The following UBE2E3 variants were observed in gnomAD, a reference collection of about 807,000 sequenced individuals.
UBE2E3 encodes ubiquitin conjugating enzyme E2 E3.
UBE2E3 carries 5 observed loss-of-function variants against 23.6 expected under a neutral mutation model. That is an observed-to-expected ratio of 0.21 (90% CI 0.11 to 0.44). The LOEUF (loss-of-function observed/expected upper bound fraction) is 0.44, where lower values mean the gene tolerates loss of function less well. Among genes scored for constraint, UBE2E3 ranks in the 20% least tolerant of loss-of-function variants. The pLI, the probability that UBE2E3 is intolerant of heterozygous loss-of-function variation, is 0.99. For synonymous variants in UBE2E3, 78 were observed against 87.5 expected (o/e 0.89, Z 0.60); for missense variants, 81 against 249.8 (o/e 0.32, Z 4.55).
At chr2:181,026,375 A>G (rs1443898093) in intron 3 of UBE2E3, among the ~76,000 whole-genome samples, 1 of 151,574 alleles carries the variant, frequency 6.6e-6, no homozygotes, top group Non-Finnish European at 1.5e-5. Flanking sequence ...TTTCATTTCC[A>G]TTCCCTTAAC....
At chr2:181,017,090 C>T (rs1485899442) in intron 3 of UBE2E3, among the ~76,000 whole-genome samples, 1 of 152,124 alleles carries the variant, frequency 6.6e-6, no homozygotes, top group Admixed American at 6.5e-5. Flanking sequence ...GAGGTGGAGA[C>T]AGAATTGGGC....
At chr2:181,016,989 G>T (rs1685511640) in intron 3 of UBE2E3, among the ~76,000 whole-genome samples, 1 of 152,180 alleles carries the variant, frequency 6.6e-6, no homozygotes, top group South Asian at 2.1e-4. Context: ...CTTGAAACTG[G>T]CAATTTGATC....
At chr2:181,035,678 G>A (rs1339434322) in intron 3 of UBE2E3, among the ~76,000 whole-genome samples, 1 of 152,020 alleles carries the variant, frequency 6.6e-6, no homozygotes, top group Non-Finnish European at 1.5e-5. Context: ...AACATTATTA[G>A]ATTTTTTTTG....
chr2:181,039,577 C>T (rs1686412926), intron 3 of UBE2E3, among the ~76,000 whole-genome samples: 1 of 152,002 alleles, frequency 6.6e-6, no homozygotes, highest in South Asian at 2.1e-4. Context: ...TTGAGACCAT[C>T]CTGAGCAACA....
At chr2:180,984,172 G>A (rs1684385486) in intron 3 of UBE2E3, 79 bp downstream of exon 3, 13 of 1,263,772 alleles carry the variant, frequency 1.0e-5, no homozygotes, top group Non-Finnish European at 1.5e-5. Flanking sequence ...GGATATGTGT[G>A]CAGCAGAGGA....
chr2:180,990,870 C>G (rs1353569962), intron 3 of UBE2E3, among the ~76,000 whole-genome samples: 1 of 152,166 alleles, frequency 6.6e-6, no homozygotes, highest in Non-Finnish European at 1.5e-5. Flanking sequence ...CAAGTTACTT[C>G]AATTTTTACA....
At chr2:181,044,733 A>G (rs1004172745) in intron 3 of UBE2E3, among the ~76,000 whole-genome samples, 3 of 152,142 alleles carry the variant, frequency 2.0e-5, no homozygotes, top group Non-Finnish European at 4.4e-5. Context: ...CATAATTCCT[A>G]AAGTCCCTGT....
intron 3 of UBE2E3, among the ~76,000 whole-genome samples, chr2:181,035,082 C>G (rs1363988816): frequency 6.6e-6 from 1 of 152,096 alleles, no homozygotes; most frequent in African/African-American, 2.4e-5. Flanking sequence ...CTATTCGGAT[C>G]ACTTAGGTGC....
At chr2:181,047,975 C>G (rs1470370383) in intron 3 of UBE2E3, among the ~76,000 whole-genome samples, 1 of 152,140 alleles carries the variant, frequency 6.6e-6, no homozygotes, top group Non-Finnish European at 1.5e-5. Context: ...TTCCCATGTT[C>G]TCTTCCCTTC....
intron 3 of UBE2E3, among the ~76,000 whole-genome samples, chr2:181,048,748 A>G (rs1369972971): frequency 2.6e-5 from 4 of 152,136 alleles, no homozygotes; most frequent in African/African-American, 9.7e-5. Flanking sequence ...ACACTCAGGA[A>G]TAACAACTGT....
At chr2:181,009,042 C>T (rs1166035648) in intron 3 of UBE2E3, among the ~76,000 whole-genome samples, 1 of 151,688 alleles carries the variant, frequency 6.6e-6, no homozygotes, top group Non-Finnish European at 1.5e-5. Context: ...TATTCTAAAA[C>T]AACATAAACA....
intron 3 of UBE2E3, among the ~76,000 whole-genome samples, chr2:181,032,430 G>A (rs1262546488): frequency 6.6e-6 from 1 of 151,950 alleles, no homozygotes; most frequent in Non-Finnish European, 1.5e-5. Context: ...TATTCAAATG[G>A]CCCCTATTTA....
At chr2:180,988,810 TTTC>T (rs1225829723) in intron 3 of UBE2E3, among the ~76,000 whole-genome samples, 1 of 152,146 alleles carries the variant, frequency 6.6e-6, no homozygotes, top group Non-Finnish European at 1.5e-5. Context: ...TAGACTGCTT[TTTC>T]TTCTTTACTT....
At chr2:181,048,974 T>G (rs1438474140) in intron 3 of UBE2E3, among the ~76,000 whole-genome samples, 1 of 152,098 alleles carries the variant, frequency 6.6e-6, no homozygotes, top group East Asian at 1.9e-4. Flanking sequence ...AACTCATTGC[T>G]AAGATTACCT....
intron 3 of UBE2E3, among the ~76,000 whole-genome samples, chr2:181,009,888 G>A (rs951946391): frequency 2.6e-5 from 4 of 152,034 alleles, no homozygotes; most frequent in African/African-American, 9.7e-5. Context: ...TATTATTAAT[G>A]TATAGCCTAT....
At chr2:181,032,729 A>G (rs1355876675) in intron 3 of UBE2E3, among the ~76,000 whole-genome samples, 30 of 152,166 alleles carry the variant, frequency 2.0e-4, no homozygotes, top group Non-Finnish European at 7.3e-5. Flanking sequence ...CTTATTCCCA[A>G]CTGATTCAGA....
chr2:180,998,253 TTGG>T (rs891855147), intron 3 of UBE2E3, among the ~76,000 whole-genome samples: 2 of 152,150 alleles, frequency 1.3e-5, no homozygotes, highest in African/African-American at 4.8e-5. Context: ...ATGCTATAAA[TTGG>T]TGGTGTTCTG....
chr2:181,035,129 A>G (rs1281293976), intron 3 of UBE2E3, among the ~76,000 whole-genome samples: 2 of 152,216 alleles, frequency 1.3e-5, no homozygotes, highest in African/African-American at 4.8e-5. Flanking sequence ...ATTAATGTAC[A>G]TTACAGCAAA....
chr2:181,036,031 A>C (rs897224110), intron 3 of UBE2E3, among the ~76,000 whole-genome samples: 1 of 152,234 alleles, frequency 6.6e-6, no homozygotes, highest in Non-Finnish European at 1.5e-5. Flanking sequence ...GGTATGTTTG[A>C]AATACCAAAT....
Sources: gnomAD v4.1 joint callset for allele counts (sites outside exome capture counted in the v4.1 genomes callset) on GRCh38, gnomAD v4.1.1 for gene constraint, MANE v1.5 for transcripts, NCBI Gene and HGNC (gene_info 2026-07-23, HGNC 2026-07-21) for gene names.